The following SSH2 variants were observed in gnomAD, a reference collection of about 807,000 sequenced individuals.
SSH2 encodes the protein slingshot protein phosphatase 2, also known as protein phosphatase Slingshot homolog 2.
A neutral mutation model predicts 135.2 loss-of-function variants in SSH2; 37 were observed. That is an observed-to-expected ratio of 0.27 (90% CI 0.21 to 0.36). SSH2 has a LOEUF of 0.36. SSH2 is among the 10% of genes least tolerant of loss of function. The probability of loss-of-function intolerance (pLI) is 1.00; values close to 1 mark genes in which losing one functional copy is unlikely to be tolerated. For missense variants in SSH2, 1,408 were observed against 1,765.3 expected (o/e 0.80, Z 3.63); for synonymous variants, 628 against 646.2 (o/e 0.97, Z 0.43).
In SSH2 at chr17:29,636,504, T is replaced by A; in HGVS notation, c.1726A>T (p.Asn576Tyr). Residue 576 changes from asparagine (N) to tyrosine (Y), a missense_variant, in exon 15 of 16, where the codon AAT (asparagine) becomes TAT (tyrosine). Coordinates refer to ENST00000540801, the MANE Select transcript of SSH2 (RefSeq NM_001282129.2). ...AGQIEDELNLNDINGCSSGCC... is the reference protein window; with the variant it reads ...AGQIEDELNLYDINGCSSGCC... ...CCTGATGAGCATCCATTGATGTCATTTAAGTTTAATTCATCCTCAATCTGT... is the reference window on the plus strand; with the variant it reads ...CCTGATGAGCATCCATTGATGTCATATAAGTTTAATTCATCCTCAATCTGT... The A allele has an allele frequency of 6.2e-7, 1 of 1,614,210 alleles. No homozygotes were observed. The highest frequency in any genetic ancestry group is 8.5e-7 in the Non-Finnish European group (1 of 1,180,046).
Position 29,930,189 on chromosome 17 carries a change from C to A in SSH2, c.-189G>T. 1.7e-6 allele frequency: 1 copy of A among 571,818 alleles called. No individual in the cohort carries two copies. The highest frequency in any genetic ancestry group is 3.0e-6 in the Non-Finnish European group (1 of 330,974). 35.4% of individuals were successfully genotyped at this position (571,818 alleles called of 1,614,324 possible). A position where few individuals can be genotyped will look rare whatever the true frequency, so the allele number is the denominator to read the frequency against. Reference sequence around the variant, plus strand: ...GACTGTCGCCGACTGACGCTCCGAACGGGCGGCGGGCGGGCGGTTCCGCAG... The same window carrying A: ...GACTGTCGCCGACTGACGCTCCGAAAGGGCGGCGGGCGGGCGGTTCCGCAG... On this transcript the variant is annotated 5_prime_UTR_variant, in exon 1 of 16. Transcript: ENST00000540801.
In SSH2 at chr17:29,795,890, C is replaced by T. The variant is rs564834445; in HGVS notation, c.145-1953G>A. On this transcript the variant is annotated intron_variant, in intron 2 of 15. Transcript: ENST00000540801. Reference sequence around the variant, plus strand: ...CCAAGTAGCTGGGACTACAGGTGCCCGCCACCATGCCTGGCTAATTTTTGT... The same window carrying T: ...CCAAGTAGCTGGGACTACAGGTGCCTGCCACCATGCCTGGCTAATTTTTGT... 8.7e-4 allele frequency among the ~76,000 whole-genome samples: 132 copies of T among 152,092 alleles called. 2 individuals are homozygous for T. Among genetic ancestry groups the T allele is most frequent in the Non-Finnish European group, 1.6e-3 (111 of 67,966 alleles).
Position 29,632,385 on chromosome 17 carries a change from G to T in SSH2, c.2809C>A (p.Pro937Thr). 6.2e-7 allele frequency: 1 copy of T among 1,614,084 alleles called. No individual in the cohort carries two copies. Among genetic ancestry groups the T allele is most frequent in the Non-Finnish European group, 8.5e-7 (1 of 1,179,962 alleles). Residue 937 changes from proline to threonine, a missense_variant, in exon 16 of 16, where the codon CCA becomes ACA. By Grantham distance (38) the Pro-to-Thr change is conservative. Coordinates refer to ENST00000540801, the MANE Select transcript of SSH2 (RefSeq NM_001282129.2). ...KNDSSVADLA[P>T]KGKSDEAPPE... is the part of the protein sequence containing the mutation. ...GGGGCTTCATCACTTTTCCCTTTTGGTGCTAGGTCTGCCACAGAAGAATCA... is the reference window on the plus strand; with the variant it reads ...GGGGCTTCATCACTTTTCCCTTTTGTTGCTAGGTCTGCCACAGAAGAATCA...
chr17:29,795,457 CTT>C (rs1237662729), intron 2 of SSH2, among the ~76,000 whole-genome samples: 2 of 152,160 alleles, frequency 1.3e-5, no homozygotes, highest in African/African-American at 2.4e-5. Context: ...GTATTACACT[CTT>C]TGCATATAAG....
chr17:29,746,569 A>G (rs1018047965), intron 3 of SSH2, among the ~76,000 whole-genome samples: 6 of 150,170 alleles, frequency 4.0e-5, no homozygotes, highest in African/African-American at 9.7e-5. Flanking sequence ...AAAAAAAAAA[A>G]AAAGGAAAAA....
chr17:29,886,746 CAA>C (rs1194032622), intron 1 of SSH2, among the ~76,000 whole-genome samples: 20 of 56,982 alleles, frequency 3.5e-4, no homozygotes, highest in Admixed American at 3.9e-4. Context: ...GACTCCATCT[CAA>C]AAAAAAAAAA....
chr17:29,658,144 C>T (rs2036868688), intron 11 of SSH2, among the ~76,000 whole-genome samples: 3 of 151,770 alleles, frequency 2.0e-5, no homozygotes, highest in South Asian at 2.1e-4. Flanking sequence ...GCTGGGATTA[C>T]AGGTGCGCAC....
At chr17:29,901,374 C>T (rs2066550823) in intron 1 of SSH2, among the ~76,000 whole-genome samples, 1 of 152,102 alleles carries the variant, frequency 6.6e-6, no homozygotes, top group South Asian at 2.1e-4. Flanking sequence ...AAGATAAATT[C>T]CTGTTTCTAA....
chr17:29,785,683 A>G (rs2041944269), intron 3 of SSH2, among the ~76,000 whole-genome samples: 1 of 151,086 alleles, frequency 6.6e-6, no homozygotes, highest in Non-Finnish European at 1.5e-5. Context: ...TATTTTTAGT[A>G]GGGATGGGGG....
chr17:29,767,671 A>C (rs766566938), intron 3 of SSH2, among the ~76,000 whole-genome samples: 4 of 151,862 alleles, frequency 2.6e-5, no homozygotes, highest in Non-Finnish European at 5.9e-5. Context: ...ATATTATTCT[A>C]CTTGCATTTC....
chr17:29,890,808 C>T (rs1013118413), intron 1 of SSH2, among the ~76,000 whole-genome samples: 5 of 152,010 alleles, frequency 3.3e-5, no homozygotes, highest in African/African-American at 4.8e-5. Flanking sequence ...CAGGCTGGAG[C>T]GCTGTGGTGC....
At position 29,632,710 on chromosome 17, in the gene SSH2, T is replaced by A; in HGVS notation, c.2484A>T (p.Gly828=). ...ERAQTPENKP[G]HMEQDEDSCT... ...AGGAGTCCTCATCTTGCTCCATATG[T>A]CCAGGTTTGTTCTCTGGAGTCTGGG... The change falls in exon 16 of 16, where the codon GGA becomes GGT. Residue 828 remains glycine (G), a synonymous_variant. Transcript: ENST00000540801. The A allele has an allele frequency of 6.2e-7, 1 of 1,614,158 alleles. No individual in the cohort carries two copies. Among genetic ancestry groups the A allele is most frequent in the Non-Finnish European group, 8.5e-7 (1 of 1,180,018 alleles).
intron 3 of SSH2, among the ~76,000 whole-genome samples, chr17:29,742,535 T>G (rs375259306): frequency 6.9e-6 from 1 of 144,898 alleles, no homozygotes; most frequent in South Asian, 2.4e-4. Flanking sequence ...GGTCTCACTA[T>G]GTTGCCCAGG....
intron 1 of SSH2, among the ~76,000 whole-genome samples, chr17:29,898,051 G>T (rs2066476872): frequency 6.6e-6 from 1 of 151,994 alleles, no homozygotes; most frequent in Non-Finnish European, 1.5e-5. Context: ...TGAAATGAAG[G>T]CAGAAATAAA....
intron 3 of SSH2, among the ~76,000 whole-genome samples, chr17:29,742,580 C>T (rs1053565809): frequency 4.7e-5 from 7 of 148,882 alleles, no homozygotes; most frequent in East Asian, 2.0e-4. Flanking sequence ...GCAGTTCTCC[C>T]GCCTTAGTCT....
chr17:29,893,572 C>T (rs2066389894), intron 1 of SSH2, among the ~76,000 whole-genome samples: 1 of 152,082 alleles, frequency 6.6e-6, no homozygotes, highest in African/African-American at 2.4e-5. Context: ...TCTGCTGGCA[C>T]CTTGTCTTGG....
chr17:29,852,125 T>A (rs1256311533), intron 1 of SSH2, among the ~76,000 whole-genome samples: 1 of 151,604 alleles, frequency 6.6e-6, no homozygotes, highest in Non-Finnish European at 1.5e-5. Flanking sequence ...CTACTAAAAA[T>A]ACAAAAATTA....
intron 1 of SSH2, among the ~76,000 whole-genome samples, chr17:29,898,097 C>T (rs1002978088): frequency 3.3e-5 from 5 of 152,050 alleles, no homozygotes; most frequent in African/African-American, 1.2e-4. Context: ...AAAGACACAA[C>T]ATACCAGAAT....
chr17:29,853,380 C>T (rs993863275), intron 1 of SSH2, among the ~76,000 whole-genome samples: 4 of 151,702 alleles, frequency 2.6e-5, no homozygotes, highest in Admixed American at 6.6e-5. Flanking sequence ...CCACCGCGCG[C>T]GGCCTAGGTG....
Sources: allele counts gnomAD v4.1 joint callset (sites outside exome capture counted in the v4.1 genomes callset), GRCh38; gene constraint gnomAD v4.1.1; transcripts MANE v1.5; gene names NCBI Gene and HGNC (gene_info 2026-07-23, HGNC 2026-07-21).